The following PFKFB4 variants were observed in gnomAD, a reference collection of about 807,000 sequenced individuals.
PFKFB4 encodes 6-phosphofructo-2-kinase/fructose-2,6-bisphosphatase 4.
A neutral mutation model predicts 62.8 loss-of-function variants in PFKFB4; 42 were observed. The ratio of observed to expected loss-of-function variants is 0.67; its 90% confidence interval spans 0.52 to 0.86. The LOEUF is 0.86. PFKFB4 is among the 40% of genes least tolerant of loss of function. PFKFB4 has a pLI of 0.00. For synonymous variants in PFKFB4, 204 were observed against 240.7 expected, an observed-to-expected ratio of 0.85 and a Z score of 1.41; for missense variants, 475 against 627.2, an observed-to-expected ratio of 0.76 and a Z score of 2.59.
intron 9 of PFKFB4, among the ~76,000 whole-genome samples, chr3:48,534,671 GAAA>G (rs778682381): frequency 3.3e-5 from 3 of 90,378 alleles, no homozygotes. Context: ...ATCTTGTCTT[GAAA>G]AAAAAAAAAA....
upstream of PFKFB4, chr3:48,562,750 A>C: frequency 6.7e-7 from 1 of 1,503,550 alleles, no homozygotes; most frequent in East Asian, 2.5e-5. The surrounding 1 kb of genome is among the most constrained non-coding windows in gnomAD (Gnocchi z 4.3). Context: ...CTTCCCATCC[A>C]GGGTGGCCCT....
chr3:48,526,075 T>C (rs1437502051), intron 9 of PFKFB4: 2 of 150,852 alleles, frequency 1.3e-5, no homozygotes, highest in Non-Finnish European at 2.9e-5. Context: ...AAAAAAAAGC[T>C]GGCTGGGCGC....
At chr3:48,559,898 CCACACACACACACACACACACACACA>C (rs34826551), upstream of PFKFB4, 17,520 of 191,700 alleles carry the variant, frequency 0.091, 1,648 homozygotes, top group African/African-American at 0.29. Flanking sequence ...AACCATCCCA[CCACACACACACACACACACACACACA>C]CACACACACA....
intron 1 of PFKFB4, among the ~76,000 whole-genome samples, chr3:48,550,627 C>A (rs1575399084): frequency 6.6e-6 from 1 of 152,326 alleles, no homozygotes; most frequent in East Asian, 1.9e-4. Context: ...GGAATCCATA[C>A]CCTAACCTTT....
intron 5 of PFKFB4, 166 bp from the exon 6 acceptor site, chr3:48,539,476 C>A: frequency 1.4e-6 from 1 of 726,758 alleles, no homozygotes; most frequent in Non-Finnish European, 2.4e-6. Context: ...TCAAGGAGTC[C>A]AGAGCTAAAG....
In PFKFB4 at chr3:48,525,570, C is replaced by G; in HGVS notation, c.1087G>C (p.Gly363Arg). 1.3e-6 allele frequency: 2 copies of G among 1,567,544 alleles called. No individual in the cohort carries two copies. The highest frequency in any genetic ancestry group is 1.7e-6 in the Non-Finnish European group (2 of 1,148,048). Residue 363 changes from glycine to arginine, a missense_variant, in exon 10 of 14, where the codon GGG becomes CGG. Coordinates refer to ENST00000232375, the MANE Select transcript of PFKFB4 (RefSeq NM_004567.4). ...QDKYRYRYPK[G>R]ESYEDLVQRL... ...AAGCCCCAAATCCCACCTACCTCCC[C>G]TTTAGGGTACCGGTACCGGTACTTG...
chr3:48,548,091 T>C (rs909058158), intron 3 of PFKFB4: 32 of 152,228 alleles, frequency 2.1e-4, no homozygotes, highest in African/African-American at 7.7e-4. Flanking sequence ...CTTCCCAACC[T>C]CTCTGAGTCT....
upstream of PFKFB4, among the ~76,000 whole-genome samples, chr3:48,557,200 G>A (rs1217778283): frequency 6.6e-6 from 1 of 152,242 alleles, no homozygotes; most frequent in African/African-American, 2.4e-5. Context: ...CTGAGCAGCG[G>A]CACGCGTGAA....
At chr3:48,549,114 T>C (rs1168277817) in intron 3 of PFKFB4, among the ~76,000 whole-genome samples, 1 of 152,182 alleles carries the variant, frequency 6.6e-6, no homozygotes, top group Non-Finnish European at 1.5e-5. Flanking sequence ...TAACACCTCC[T>C]GAGAAAAGCA....
Position 48,523,867 on chromosome 3 carries a change from G to A in PFKFB4, c.1093-37C>T, listed in dbSNP as rs769459448. ...AGCAGAGAGGGGTCCCTCAGGCCTG[G>A]CTCCGGGGGAGGGACAGACACATCC... On this transcript the variant is annotated intron_variant, in intron 10 of 13. Transcript: ENST00000232375. 8.1e-6 allele frequency: 13 copies of A among 1,600,404 alleles called. No homozygotes were observed. The Admixed American group carries it at 1.9e-4, about 23-fold the overall frequency.
At chr3:48,531,483 C>G (rs1282011513) in intron 9 of PFKFB4, among the ~76,000 whole-genome samples, 1 of 150,092 alleles carries the variant, frequency 6.7e-6, no homozygotes, top group Non-Finnish European at 1.5e-5. Context: ...TCTTGTTACC[C>G]AGGCTGGAGT....
At chr3:48,559,543 A>G (rs1001094377), upstream of PFKFB4, 4 of 456,998 alleles carry the variant, frequency 8.8e-6, no homozygotes, top group Non-Finnish European at 1.8e-5. Context: ...CTCCATGGAG[A>G]TGCTGTCCCA....
chr3:48,542,705 T>C (rs1046929496), intron 4 of PFKFB4, among the ~76,000 whole-genome samples: 1 of 152,006 alleles, frequency 6.6e-6, no homozygotes, highest in African/African-American at 2.4e-5. Context: ...CAAATCAGAA[T>C]GACATGAGAC....
At position 48,536,352 on chromosome 3, in the gene PFKFB4, G is replaced by C. The variant is rs370733902; in HGVS notation, c.744C>G (p.Thr248=). 4.3e-6 allele frequency: 7 copies of C among 1,614,084 alleles called. No individual in the cohort carries two copies. The highest frequency in any genetic ancestry group is 5.9e-6 in the Non-Finnish European group (7 of 1,180,038). ...GCCGGCAGAGGTAGATGGAGCGGGGGGTCACGTGGATGTTCATGAGGTAAT... is the reference window on the plus strand; with the variant it reads ...GCCGGCAGAGGTAGATGGAGCGGGGCGTCACGTGGATGTTCATGAGGTAAT... ...IVYYLMNIHV[T]PRSIYLCRHG... is the part of the protein sequence containing the mutation. The change falls in exon 8 of 14, where the codon ACC becomes ACG. Residue 248 remains threonine, a synonymous_variant. Transcript: ENST00000232375.
At chr3:48,530,710 C>G (rs180817869) in intron 9 of PFKFB4, among the ~76,000 whole-genome samples, 50 of 152,102 alleles carry the variant, frequency 3.3e-4, no homozygotes, top group East Asian at 9.7e-4. Flanking sequence ...GTTTTGTTTT[C>G]TTTTCTTTTG....
At chr3:48,538,407 G>C in intron 7 of PFKFB4, 91 bp downstream of exon 7, 2 of 1,502,818 alleles carry the variant, frequency 1.3e-6, no homozygotes, top group South Asian at 2.4e-5. Flanking sequence ...TGGTCCTCCA[G>C]CCACCACCAT....
At chr3:48,526,967 G>C (rs1363279649) in intron 9 of PFKFB4, among the ~76,000 whole-genome samples, 1 of 151,364 alleles carries the variant, frequency 6.6e-6, no homozygotes, top group Non-Finnish European at 1.5e-5. Flanking sequence ...AGAATGTCAT[G>C]TGAAGGCACA....
upstream of PFKFB4, among the ~76,000 whole-genome samples, chr3:48,560,308 C>A (rs952790672): frequency 6.6e-6 from 1 of 152,228 alleles, no homozygotes; most frequent in South Asian, 2.1e-4. Context: ...CTCTCCACCC[C>A]CAGCCCTGCT....
intron 6 of PFKFB4, 133 bp downstream of exon 6, chr3:48,539,121 C>G (rs1386175901): frequency 6.7e-6 from 5 of 742,018 alleles, no homozygotes; most frequent in Non-Finnish European, 1.2e-5. Context: ...CGAGGCATAC[C>G]TGACCCAGCA....
Sources: gnomAD v4.1 joint callset for allele counts (sites outside exome capture counted in the v4.1 genomes callset) on GRCh38, gnomAD v4.1.1 for gene constraint, Gnocchi (gnomAD v3.1) non-coding constraint, MANE v1.5 for transcripts, NCBI Gene and HGNC (gene_info 2026-07-23, HGNC 2026-07-21) for gene names.